ITPR1: variants seen among roughly 807,000 people sequenced by gnomAD.
The protein encoded by ITPR1 is inositol 1,4,5-trisphosphate-gated calcium channel ITPR1.
A neutral mutation model predicts 318.4 loss-of-function variants in ITPR1; 96 were observed. The ratio of observed to expected loss-of-function variants is 0.30; its 90% CI spans 0.26 to 0.36. The LOEUF is 0.36. Ranked by LOEUF, ITPR1 falls within the 10% of genes least tolerant of loss-of-function variation. The pLI is 1.00. For synonymous variants in ITPR1, 1,312 were observed against 1,289.9 expected (o/e 1.02, Z -0.37); for missense variants, 2,440 against 3,460.2 (o/e 0.71, Z 7.40).
chr3:4,795,293 C>A, intron 53 of ITPR1, 106 bp downstream of exon 53: 1 of 948,974 alleles, frequency 1.1e-6, no homozygotes, highest in Non-Finnish European at 1.5e-6. Context: ...CTGGGGATCC[C>A]AGTTATCCAC....
At chr3:4,678,551 C>T (rs2094231447) in intron 24 of ITPR1, among the ~76,000 whole-genome samples, 1 of 152,146 alleles carries the variant, frequency 6.6e-6, no homozygotes, top group Non-Finnish European at 1.5e-5. Flanking sequence ...AACAGGGGCT[C>T]CATCCACAGG....
intron 44 of ITPR1, 112 bp downstream of exon 44, chr3:4,735,466 T>A: frequency 1.2e-6 from 1 of 820,700 alleles, no homozygotes. Flanking sequence ...GACAGCTCAT[T>A]CTGAGGGCAC....
At chr3:4,734,670 G>A (rs2043153344) in intron 43 of ITPR1, among the ~76,000 whole-genome samples, 1 of 152,248 alleles carries the variant, frequency 6.6e-6, no homozygotes, top group African/African-American at 2.4e-5. Context: ...CAAGCAGTGA[G>A]CAAACATTTG....
Position 4,658,192 on chromosome 3 carries a change from G to C in ITPR1, c.1065G>C (p.Leu355=). Reference sequence around the variant, plus strand: ...CCCAAGAAAAGATGGTATACTCCCTGGTCTCTGTGCCTGAAGGCAATGACA... The same window carrying C: ...CCCAAGAAAAGATGGTATACTCCCTCGTCTCTGTGCCTGAAGGCAATGACA... ...RNAQEKMVYS[L]VSVPEGNDIS... The change falls in exon 13 of 62, where the codon CTG becomes CTC. Residue 355 remains leucine, a synonymous_variant. Transcript: ENST00000649015. 6.2e-7 allele frequency: 1 copy of C among 1,613,610 alleles called. No homozygotes were observed. The highest frequency in any genetic ancestry group is 2.2e-5 in the East Asian group (1 of 44,830).
At chr3:4,706,444 C>G in intron 37 of ITPR1, 93 bp downstream of exon 37, 1 of 1,162,262 alleles carries the variant, frequency 8.6e-7, no homozygotes, top group Non-Finnish European at 1.2e-6. Flanking sequence ...AGCATCTAAG[C>G]TGGGCCGTGG....
At chr3:4,656,076 C>A (rs2093701836) in intron 12 of ITPR1, among the ~76,000 whole-genome samples, 1 of 152,214 alleles carries the variant, frequency 6.6e-6, no homozygotes, top group Non-Finnish European at 1.5e-5. Flanking sequence ...ACCCTGAAGA[C>A]ACTTGCTTGG....
At chr3:4,714,740 T>G (rs575326831) in intron 39 of ITPR1, among the ~76,000 whole-genome samples, 17 of 152,238 alleles carry the variant, frequency 1.1e-4, no homozygotes, top group Non-Finnish European at 2.5e-4. Flanking sequence ...CATTCAACTT[T>G]AGTACTTAGT....
intron 5 of ITPR1, among the ~76,000 whole-genome samples, chr3:4,636,735 A>G (rs1439867452): frequency 6.6e-6 from 1 of 152,236 alleles, no homozygotes; most frequent in Non-Finnish European, 1.5e-5. Context: ...GGCCAAGAGT[A>G]TCTTTCTTTT....
chr3:4,667,113 G>C (rs2093965810), intron 17 of ITPR1, among the ~76,000 whole-genome samples: 1 of 152,160 alleles, frequency 6.6e-6, no homozygotes, highest in African/African-American at 2.4e-5. Context: ...AATTTATACT[G>C]TGCACTTAAT....
Position 4,665,172 on chromosome 3 carries a change from G to C in ITPR1, c.1589G>C (p.Cys530Ser), listed in dbSNP as rs766035901. The C allele has an allele frequency of 6.8e-6, 11 of 1,613,908 alleles. No individual in the cohort carries two copies. Among genetic ancestry groups the C allele is most frequent in the Non-Finnish European group, 9.3e-6 (11 of 1,179,888 alleles). ...FKLLQAPFTD[C>S]GDGPMLRLEE... ...TTGTTACAAGCCCCATTCACAGACT[G>C]CGGTGATGGCCCAATGCTTCGGCTG... Residue 530 changes from cysteine (C) to serine (S), a missense_variant, in exon 17 of 62, where the codon TGC becomes TCC. This residue lies in a region of ITPR1 where 478 missense variants were observed against 696.3 expected (regional missense o/e 0.69). Coordinates refer to ENST00000649015, the MANE Select transcript of ITPR1 (RefSeq NM_001378452.1).
intron 55 of ITPR1, among the ~76,000 whole-genome samples, chr3:4,810,441 T>G (rs1204197908): frequency 2.0e-5 from 3 of 152,160 alleles, no homozygotes; most frequent in African/African-American, 7.2e-5. Flanking sequence ...GAAGCCAACT[T>G]CTTGCAAAGA....
At chr3:4,580,381 G>C (rs1004601580) in intron 4 of ITPR1, among the ~76,000 whole-genome samples, 5 of 152,188 alleles carry the variant, frequency 3.3e-5, no homozygotes, top group African/African-American at 1.2e-4. Flanking sequence ...AACTCATCCA[G>C]CCATTCCTTA....
Position 4,674,197 on chromosome 3 carries a change from T to G in ITPR1, c.2457-5T>G. 1 of 1,536,266 alleles carries G rather than the reference T, an allele frequency of 6.5e-7. No individual in the cohort carries two copies. The highest frequency in any genetic ancestry group is 8.7e-7 in the Non-Finnish European group (1 of 1,143,246). On this transcript the variant is annotated splice_region_variant and splice_polypyrimidine_tract_variant and intron_variant, in intron 21 of 61. Coordinates refer to ENST00000649015, the MANE Select transcript of ITPR1 (RefSeq NM_001378452.1). ...TTGTTTCCTTTCTTTCTCCTTTCTT[T>G]TCAGCTATGATAGTAGTGGAGCTTC...
At chr3:4,821,733 A>G (rs2049735933) in intron 60 of ITPR1, among the ~76,000 whole-genome samples, 1 of 152,150 alleles carries the variant, frequency 6.6e-6, no homozygotes, top group Non-Finnish European at 1.5e-5. Context: ...TTCCTGCTGG[A>G]ACTGCCTACA....
intron 12 of ITPR1, among the ~76,000 whole-genome samples, chr3:4,655,878 C>A (rs142518524): frequency 9.4e-4 from 143 of 152,324 alleles, no homozygotes; most frequent in African/African-American, 3.2e-3. Flanking sequence ...CAGCACAGAT[C>A]TGCCCGGTGG....
In ITPR1 at chr3:4,645,425, C is replaced by A; in HGVS notation, c.663C>A (p.Val221=). 1 of 1,613,492 alleles carries A rather than the reference C, an allele frequency of 6.2e-7. No homozygotes were observed. The highest frequency in any genetic ancestry group is 1.1e-5 in the South Asian group (1 of 91,014). The change falls in exon 9 of 62, where the codon GTC becomes GTA. Residue 221 remains valine, a synonymous_variant. Coordinates refer to ENST00000649015, the MANE Select transcript of ITPR1 (RefSeq NM_001378452.1). Reference sequence around the variant, plus strand: ...ACTGCAATACAAGCTGGAAAATAGTCCTTTTCATGAAATGGAGTGATAACA... The same window carrying A: ...ACTGCAATACAAGCTGGAAAATAGTACTTTTCATGAAATGGAGTGATAACA... ...SVNCNTSWKI[V]LFMKWSDNKD... is the part of the protein sequence containing the mutation.
chr3:4,632,814 TAAAAAGA>T (rs1334232280), intron 5 of ITPR1, among the ~76,000 whole-genome samples: 2 of 150,938 alleles, frequency 1.3e-5, no homozygotes, highest in African/African-American at 2.4e-5. Context: ...AACTCCTTAT[TAAAAAGA>T]AAAAAGAGAA....
intron 5 of ITPR1, among the ~76,000 whole-genome samples, chr3:4,632,981 C>T (rs2093061810): frequency 7.9e-6 from 1 of 127,288 alleles, no homozygotes; most frequent in East Asian, 2.2e-4. Flanking sequence ...GCTCTATTGC[C>T]AGGCTGGAGT....
At chr3:4,697,863 T>A (rs2094584904) in intron 34 of ITPR1, among the ~76,000 whole-genome samples, 1 of 152,200 alleles carries the variant, frequency 6.6e-6, no homozygotes, top group Admixed American at 6.5e-5. Context: ...TGGTGAATGA[T>A]AACCTGGGCA....
Sources: gnomAD v4.1 joint callset for allele counts (sites outside exome capture counted in the v4.1 genomes callset) on GRCh38, gnomAD v4.1.1 for gene constraint, gnomAD v4.1.1 regional missense constraint, MANE v1.5 for transcripts, NCBI Gene and HGNC (gene_info 2026-07-23, HGNC 2026-07-21) for gene names.